RXYLT1: variants seen among roughly 807,000 people sequenced by gnomAD.
RXYLT1 encodes ribitol-5-phosphate xylosyltransferase 1.
A neutral mutation model predicts 43.5 loss-of-function variants in RXYLT1; 41 were observed. That is an observed-to-expected ratio of 0.94 (90% CI 0.73 to 1.22). RXYLT1 has a LOEUF of 1.22. RXYLT1 is among the 50% of genes most tolerant of loss of function. RXYLT1 has a pLI of 0.00. For synonymous variants in RXYLT1, 166 were observed against 194.4 expected, an observed-to-expected ratio of 0.85 and a Z score of 1.21; for missense variants, 514 against 532.0, an observed-to-expected ratio of 0.97 and a Z score of 0.33.
chr12:63,806,600 A>G (rs1898297950), intron 5 of RXYLT1: 1 of 152,258 alleles, frequency 6.6e-6, no homozygotes, highest in Non-Finnish European at 1.5e-5. Context: ...GAATGAGGAC[A>G]GTGTAAAATA....
At chr12:63,796,660 AAGG>A (rs1477137787) in intron 3 of RXYLT1, among the ~76,000 whole-genome samples, 1 of 152,220 alleles carries the variant, frequency 6.6e-6, no homozygotes, top group Non-Finnish European at 1.5e-5. Context: ...ACAAAAGTAA[AAGG>A]AGCACATCAT....
Position 63,802,095 on chromosome 12 carries a change from A to T in RXYLT1, c.433A>T (p.Ile145Phe). 6.3e-7 allele frequency: 1 copy of T among 1,584,062 alleles called. No individual in the cohort carries two copies. The change falls in exon 4 of 6, where the codon ATC (isoleucine) becomes TTC (phenylalanine). Residue 145 changes from isoleucine to phenylalanine, a missense_variant. By Grantham distance (21) the Ile-to-Phe change is conservative. Transcript: ENST00000261234. ...TTGTTGTGTTGTTTTTAACAGCTTC[A>T]TCACTGGTCCAGCTGTAATACCAGG... ...SIVGRTQYSF[I>F]TGPAVIPGYF...
chr12:63,782,583 C>G (rs1314729839), intron 2 of RXYLT1: 2 of 456,648 alleles, frequency 4.4e-6, no homozygotes, highest in Non-Finnish European at 8.8e-6. Context: ...TTCTGAAGAA[C>G]CTTGTGGGCC....
At chr12:63,784,264 A>T (rs1897751915) in intron 2 of RXYLT1, among the ~76,000 whole-genome samples, 1 of 152,166 alleles carries the variant, frequency 6.6e-6, no homozygotes, top group Admixed American at 6.5e-5. Context: ...CTTTAGTACC[A>T]GGGTACAATG....
At chr12:63,789,625 A>G (rs1015220206) in intron 3 of RXYLT1, among the ~76,000 whole-genome samples, 1 of 152,208 alleles carries the variant, frequency 6.6e-6, no homozygotes, top group African/African-American at 2.4e-5. Context: ...GTGAAGCACA[A>G]TAAAATGAGG....
intron 4 of RXYLT1, among the ~76,000 whole-genome samples, chr12:63,803,501 G>A (rs1011215650): frequency 5.3e-5 from 8 of 152,022 alleles, no homozygotes; most frequent in African/African-American, 7.3e-5. Flanking sequence ...CCCTGGTTGC[G>A]GGATGTGGCC....
chr12:63,787,286 C>T (rs1897825229), intron 3 of RXYLT1, among the ~76,000 whole-genome samples: 1 of 152,214 alleles, frequency 6.6e-6, no homozygotes, highest in Non-Finnish European at 1.5e-5. Context: ...AAAAGCAACT[C>T]CTCATCTGTT....
In RXYLT1 at chr12:63,779,939, C is replaced by T; in HGVS notation, c.-22C>T. On this transcript the variant is annotated 5_prime_UTR_variant, in exon 1 of 6. Coordinates refer to ENST00000261234, the MANE Select transcript of RXYLT1 (RefSeq NM_014254.3). ...TCCGCCCGCTCCATGGCGGTGGATG[C>T]CTGACTGGAAGCCCGAGTGGGATGC... 2.5e-6 allele frequency: 4 copies of T among 1,609,422 alleles called. No individual in the cohort carries two copies. The highest frequency in any genetic ancestry group is 2.2e-5 in the South Asian group (2 of 91,070).
chr12:63,789,174 TATTA>T (rs1346153229), intron 3 of RXYLT1, among the ~76,000 whole-genome samples: 5 of 152,140 alleles, frequency 3.3e-5, no homozygotes, highest in African/African-American at 1.2e-4. Context: ...ATTATAGGGT[TATTA>T]ATTATAGGGA....
chr12:63,803,495 G>C (rs1898213445), intron 4 of RXYLT1, among the ~76,000 whole-genome samples: 3 of 152,044 alleles, frequency 2.0e-5, no homozygotes, highest in Admixed American at 2.0e-4. Flanking sequence ...TTCTGTCCCT[G>C]GTTGCGGGAT....
chr12:63,808,317 C>T (rs887197889), intron 5 of RXYLT1: 1 of 256,644 alleles, frequency 3.9e-6, no homozygotes, highest in South Asian at 5.1e-5. Flanking sequence ...AAATAATTTA[C>T]TGACTTCACT....
At chr12:63,790,261 C>T (rs577959271) in intron 3 of RXYLT1, 21 of 152,312 alleles carry the variant, frequency 1.4e-4, no homozygotes, top group African/African-American at 4.8e-4. Flanking sequence ...GGGTTGATTA[C>T]ATAATGGAAC....
chr12:63,780,985 C>A (rs201341428), intron 1 of RXYLT1, 34 bp from the exon 2 acceptor site: 3 of 1,479,924 alleles, frequency 2.0e-6, no homozygotes, highest in African/African-American at 1.5e-5. Flanking sequence ...TGCAATAATA[C>A]CTTACTGGTA....
chr12:63,782,771 T>C (rs547172794), intron 2 of RXYLT1: 3 of 308,330 alleles, frequency 9.7e-6, no homozygotes, highest in African/African-American at 6.6e-5. Flanking sequence ...CTTCTGATCC[T>C]TCTGAGGCAC....
intron 3 of RXYLT1, among the ~76,000 whole-genome samples, chr12:63,789,209 G>T (rs956261904): frequency 6.6e-6 from 1 of 152,160 alleles, no homozygotes; most frequent in African/African-American, 2.4e-5. Context: ...GGCATTATAG[G>T]GTTAATAATT....
intron 3 of RXYLT1, among the ~76,000 whole-genome samples, chr12:63,794,065 G>A (rs1005601088): frequency 3.9e-5 from 6 of 152,178 alleles, no homozygotes; most frequent in African/African-American, 1.4e-4. Context: ...AGAGAAAGGA[G>A]GTTGCCATCT....
intron 3 of RXYLT1, among the ~76,000 whole-genome samples, chr12:63,789,507 C>T (rs1897876714): frequency 6.6e-6 from 1 of 152,146 alleles, no homozygotes; most frequent in African/African-American, 2.4e-5. Flanking sequence ...ATCACCATCT[C>T]ATAGTGAGCA....
chr12:63,782,669 C>T (rs969139331), intron 2 of RXYLT1: 1 of 455,366 alleles, frequency 2.2e-6, no homozygotes, highest in Non-Finnish European at 4.4e-6. Flanking sequence ...ATCCCATCTC[C>T]ATTTCTGGCT....
intron 4 of RXYLT1, chr12:63,804,643 C>G (rs1338362954): frequency 6.6e-6 from 1 of 152,098 alleles, no homozygotes; most frequent in Non-Finnish European, 1.5e-5. Flanking sequence ...AATCCGTAAC[C>G]TTATATACTT....
Sources: allele counts gnomAD v4.1 joint callset (sites outside exome capture counted in the v4.1 genomes callset), GRCh38; gene constraint gnomAD v4.1.1; transcripts MANE v1.5; gene names NCBI Gene and HGNC (gene_info 2026-07-23, HGNC 2026-07-21).